ATRNL1: variants seen among roughly 807,000 people sequenced by gnomAD.
ATRNL1 encodes the protein attractin-like protein 1.
Under a neutral mutation model 182.7 loss-of-function variants are expected in ATRNL1, and 95 were observed. The ratio of observed to expected loss-of-function variants is 0.52; its 90% CI spans 0.44 to 0.62. The LOEUF (loss-of-function observed/expected upper bound fraction) is 0.62. Among genes scored for constraint, ATRNL1 ranks in the 20% least tolerant of loss-of-function variants. The pLI, the probability that ATRNL1 is intolerant of heterozygous loss-of-function variation, is 0.00. For missense variants in ATRNL1, 1,471 were observed against 1,679.5 expected, an observed-to-expected ratio of 0.88 and a Z score of 2.17; for synonymous variants, 576 against 568.3, an observed-to-expected ratio of 1.01 and a Z score of -0.19.
At chr10:115,368,283 A>G (rs1554946826) in intron 19 of ATRNL1, among the ~76,000 whole-genome samples, 3 of 152,052 alleles carry the variant, frequency 2.0e-5, no homozygotes, top group Admixed American at 1.3e-4. Context: ...GAGTGACCCG[A>G]TTTTCCAGGT....
chr10:115,166,078 C>G (rs1847026223), intron 7 of ATRNL1, among the ~76,000 whole-genome samples: 1 of 152,068 alleles, frequency 6.6e-6, no homozygotes, highest in Non-Finnish European at 1.5e-5. Context: ...CCCTTATCCT[C>G]TTGAAACCAC....
intron 1 of ATRNL1, among the ~76,000 whole-genome samples, chr10:115,109,636 C>G (rs900531804): frequency 1.6e-4 from 25 of 152,232 alleles, no homozygotes; most frequent in African/African-American, 6.0e-4. Context: ...CACATTCAAA[C>G]CATAGCAGAG....
rs972591994 is a variant in ATRNL1 at position 115,343,492 on chromosome 10, C to G, written c.3175+9073C>G. On this transcript the variant is annotated intron_variant, in intron 19 of 28. Transcript: ENST00000355044. Reference sequence around the variant, plus strand: ...TGATACCTTTTAATTATTTCAGTCTCTTTGTTACATTCATCTAATAGAATT... The same window carrying G: ...TGATACCTTTTAATTATTTCAGTCTGTTTGTTACATTCATCTAATAGAATT... Among the ~76,000 whole-genome samples, 5 of 152,126 alleles carry G rather than the reference C, an allele frequency of 3.3e-5. No homozygotes were observed. The South Asian group carries it at 8.3e-4, about 25-fold the overall frequency.
At chr10:115,128,975 T>C (rs1845103021) in intron 4 of ATRNL1, among the ~76,000 whole-genome samples, 1 of 152,236 alleles carries the variant, frequency 6.6e-6, no homozygotes, top group South Asian at 2.1e-4. Flanking sequence ...TTCATGAATT[T>C]AATTTTTTTC....
At chr10:115,855,397 C>T (rs1951156253) in intron 28 of ATRNL1, among the ~76,000 whole-genome samples, 2 of 152,198 alleles carry the variant, frequency 1.3e-5, no homozygotes, top group South Asian at 4.1e-4. Flanking sequence ...CACCTTCTAA[C>T]ATATATCCAT....
chr10:115,258,531 T>G (rs533449394), intron 10 of ATRNL1, among the ~76,000 whole-genome samples: 1 of 151,928 alleles, frequency 6.6e-6, no homozygotes, highest in Non-Finnish European at 1.5e-5. Flanking sequence ...TTTTTCAAGG[T>G]TTTTAGCTTC....
intron 26 of ATRNL1, among the ~76,000 whole-genome samples, chr10:115,604,009 C>T (rs1341946533): frequency 6.6e-6 from 1 of 152,048 alleles, no homozygotes; most frequent in African/African-American, 2.4e-5. Flanking sequence ...TGTCTGCTAT[C>T]TTGTATCTGT....
chr10:115,848,120 A>G, intron 28 of ATRNL1, 129 bp downstream of exon 28: 5 of 614,418 alleles, frequency 8.1e-6, no homozygotes, highest in Non-Finnish European at 1.5e-5. Flanking sequence ...GTAAAATTTT[A>G]TGAGAATACA....
chr10:115,328,335 A>C (rs1407300296), intron 18 of ATRNL1, among the ~76,000 whole-genome samples: 1 of 152,150 alleles, frequency 6.6e-6, no homozygotes, highest in Non-Finnish European at 1.5e-5. Context: ...CACACGGTTC[A>C]ATGCGATGTT....
chr10:115,169,455 C>T (rs1408146142), intron 7 of ATRNL1, among the ~76,000 whole-genome samples: 1 of 151,910 alleles, frequency 6.6e-6, no homozygotes, highest in African/African-American at 2.4e-5. Context: ...GTGATCCACT[C>T]GCCTCGGACT....
At chr10:115,400,087 A>G (rs1200830727) in intron 20 of ATRNL1, among the ~76,000 whole-genome samples, 1 of 152,092 alleles carries the variant, frequency 6.6e-6, no homozygotes, top group Non-Finnish European at 1.5e-5. Flanking sequence ...TTTACAAGAA[A>G]AAACCAACCC....
chr10:115,369,210 G>T (rs1554947196), intron 19 of ATRNL1, among the ~76,000 whole-genome samples: 1 of 150,434 alleles, frequency 6.6e-6, no homozygotes, highest in Non-Finnish European at 1.5e-5. Flanking sequence ...TGTATATAAT[G>T]TGGAGAAAAT....
intron 26 of ATRNL1, among the ~76,000 whole-genome samples, chr10:115,706,100 C>T (rs1946887960): frequency 6.6e-6 from 1 of 151,848 alleles, no homozygotes; most frequent in Admixed American, 6.6e-5. Context: ...TTCTGAAGAT[C>T]AGAAGTCTGA....
chr10:115,189,240 A>G (rs1159592270), intron 8 of ATRNL1, among the ~76,000 whole-genome samples: 2 of 152,156 alleles, frequency 1.3e-5, no homozygotes, highest in Non-Finnish European at 2.9e-5. Flanking sequence ...ACATACAATT[A>G]TATATAGTAC....
At chr10:115,891,396 GTCTT>G (rs1301130756) in intron 28 of ATRNL1, among the ~76,000 whole-genome samples, 1 of 152,276 alleles carries the variant, frequency 6.6e-6, no homozygotes, top group East Asian at 1.9e-4. Flanking sequence ...TACTAGCCTT[GTCTT>G]TCTTTTTGGA....
At chr10:115,888,201 T>TTG (rs1164332678) in intron 28 of ATRNL1, among the ~76,000 whole-genome samples, 1 of 152,220 alleles carries the variant, frequency 6.6e-6, no homozygotes, top group Non-Finnish European at 1.5e-5. Flanking sequence ...GTTCCTTAGA[T>TTG]TGTAGCTCAA....
chr10:115,286,544 T>TA, intron 15 of ATRNL1, 147 bp downstream of exon 15: 1 of 546,188 alleles, frequency 1.8e-6, no homozygotes, highest in East Asian at 3.1e-5. Context: ...GCAGAAGACT[T>TA]ATTTTGTATA....
At chr10:115,640,412 G>T (rs1449680610) in intron 26 of ATRNL1, among the ~76,000 whole-genome samples, 1 of 152,080 alleles carries the variant, frequency 6.6e-6, no homozygotes, top group Non-Finnish European at 1.5e-5. Context: ...AAGCATTCCA[G>T]TTTCTCCACA....
intron 21 of ATRNL1, among the ~76,000 whole-genome samples, chr10:115,458,863 A>C (rs998546609): frequency 5.3e-5 from 8 of 152,080 alleles, no homozygotes; most frequent in African/African-American, 1.7e-4. Flanking sequence ...TTCTAAATAG[A>C]TATTCTCTTT....
Sources: gnomAD v4.1 joint callset for allele counts (sites outside exome capture counted in the v4.1 genomes callset) on GRCh38, gnomAD v4.1.1 for gene constraint, MANE v1.5 for transcripts, NCBI Gene and HGNC (gene_info 2026-07-23, HGNC 2026-07-21) for gene names.